Variants in PLA2G4A observed in about 807,000 individuals in gnomAD.
PLA2G4A encodes phospholipase A2 group IVA, also known as cytosolic phospholipase A2.
A neutral mutation model predicts 81.9 loss-of-function variants in PLA2G4A; 40 were observed. The observed-to-expected ratio is 0.49, with a 90% CI of 0.38 to 0.64. The LOEUF (loss-of-function observed/expected upper bound fraction) is 0.64. PLA2G4A is among the 30% of genes least tolerant of loss of function. The probability of loss-of-function intolerance (pLI) is 0.00; values close to 1 mark genes in which losing one functional copy is unlikely to be tolerated. For missense variants in PLA2G4A, 715 were observed against 905.1 expected, an observed-to-expected ratio of 0.79 and a Z score of 2.69; for synonymous variants, 302 against 296.9, an observed-to-expected ratio of 1.02 and a Z score of -0.18.
chr1:186,923,505 G>A (rs1655438262), intron 7 of PLA2G4A, among the ~76,000 whole-genome samples: 1 of 152,210 alleles, frequency 6.6e-6, no homozygotes, highest in African/African-American at 2.4e-5. Context: ...GAGATGGCTA[G>A]CCCTGAGGAG....
intron 15 of PLA2G4A, among the ~76,000 whole-genome samples, chr1:186,975,155 T>G (rs1253004446): frequency 6.6e-6 from 1 of 152,178 alleles, no homozygotes; most frequent in African/African-American, 2.4e-5. Context: ...TTGTGAACAG[T>G]GCTGGACAAG....
intron 5 of PLA2G4A, among the ~76,000 whole-genome samples, chr1:186,903,389 T>G (rs1654618014): frequency 6.6e-6 from 1 of 152,208 alleles, no homozygotes; most frequent in South Asian, 2.1e-4. Flanking sequence ...TTTGAAATTA[T>G]TTTGCTATAT....
At chr1:186,969,464 A>G (rs1397390628) in intron 15 of PLA2G4A, among the ~76,000 whole-genome samples, 1 of 151,872 alleles carries the variant, frequency 6.6e-6, no homozygotes, top group Non-Finnish European at 1.5e-5. Flanking sequence ...ATTGTTAACT[A>G]TAGTTACCCA....
intron 6 of PLA2G4A, among the ~76,000 whole-genome samples, chr1:186,907,447 G>C (rs991161067): frequency 7.2e-4 from 109 of 152,226 alleles, no homozygotes; most frequent in African/African-American, 2.5e-3. Context: ...GACCCAGCTG[G>C]ACTACTGCTA....
chr1:186,967,552 A>G (rs946225313), intron 15 of PLA2G4A, among the ~76,000 whole-genome samples: 1 of 150,954 alleles, frequency 6.6e-6, no homozygotes, highest in African/African-American at 2.4e-5. Flanking sequence ...TGGGGCAAAG[A>G]CTTTTATTCA....
chr1:186,836,299 A>G (rs1366954161), intron 1 of PLA2G4A, among the ~76,000 whole-genome samples: 1 of 150,958 alleles, frequency 6.6e-6, no homozygotes, highest in African/African-American at 2.4e-5. Context: ...ATATACCTTA[A>G]TAATAATATT....
chr1:186,965,081 T>C (rs1245986981), intron 14 of PLA2G4A, among the ~76,000 whole-genome samples: 5 of 152,244 alleles, frequency 3.3e-5, no homozygotes, highest in Non-Finnish European at 7.3e-5. Flanking sequence ...AAGACCTACG[T>C]AATGTAAGAT....
At chr1:186,888,763 G>T (rs553608334) in intron 3 of PLA2G4A, among the ~76,000 whole-genome samples, 29 of 152,160 alleles carry the variant, frequency 1.9e-4, no homozygotes, top group Non-Finnish European at 3.4e-4. Flanking sequence ...TTTGCCATTT[G>T]CATGCCTCCC....
At chr1:186,845,483 G>A (rs1652139121) in intron 1 of PLA2G4A, among the ~76,000 whole-genome samples, 1 of 152,138 alleles carries the variant, frequency 6.6e-6, no homozygotes, top group Non-Finnish European at 1.5e-5. Flanking sequence ...ATAGAGAAAG[G>A]AGGAGACAGG....
At chr1:186,919,316 G>T (rs1271403208) in intron 7 of PLA2G4A, among the ~76,000 whole-genome samples, 1 of 152,174 alleles carries the variant, frequency 6.6e-6, no homozygotes, top group Non-Finnish European at 1.5e-5. Context: ...GTAGGCTACA[G>T]ATGACCTGCT....
intron 15 of PLA2G4A, 31 bp from the exon 16 acceptor site, chr1:186,977,562 T>C: frequency 1.3e-6 from 2 of 1,518,614 alleles, no homozygotes; most frequent in East Asian, 4.5e-5. Context: ...AACTGAAAAT[T>C]TCCAAATTCA....
intron 5 of PLA2G4A, among the ~76,000 whole-genome samples, chr1:186,899,556 T>C (rs1654465298): frequency 6.6e-6 from 1 of 152,072 alleles, no homozygotes; most frequent in African/African-American, 2.4e-5. Flanking sequence ...ACAAGTTTGA[T>C]GGGAACAGAT....
intron 5 of PLA2G4A, among the ~76,000 whole-genome samples, chr1:186,902,572 C>T (rs1654584155): frequency 6.6e-6 from 1 of 152,074 alleles, no homozygotes; most frequent in South Asian, 2.1e-4. Flanking sequence ...ATTGCACGTA[C>T]ACATCCAGGT....
At chr1:186,942,680 TAACTA>T (rs1365392120) in intron 10 of PLA2G4A, among the ~76,000 whole-genome samples, 4 of 152,188 alleles carry the variant, frequency 2.6e-5, no homozygotes, top group Non-Finnish European at 4.4e-5. Flanking sequence ...CAAGAAAACT[TAACTA>T]AAATAATTAA....
chr1:186,918,863 G>T (rs1655242064), intron 7 of PLA2G4A, among the ~76,000 whole-genome samples: 1 of 152,208 alleles, frequency 6.6e-6, no homozygotes, highest in Non-Finnish European at 1.5e-5. Flanking sequence ...ACCACAGCAT[G>T]GGGGGCCTTT....
intron 7 of PLA2G4A, among the ~76,000 whole-genome samples, chr1:186,921,178 C>T (rs954370831): frequency 2.0e-5 from 3 of 152,050 alleles, no homozygotes; most frequent in Non-Finnish European, 4.4e-5. Context: ...GTTCAGGTCC[C>T]ATTGGGGGTC....
intron 1 of PLA2G4A, among the ~76,000 whole-genome samples, chr1:186,843,046 T>A (rs554134085): frequency 1.5e-4 from 23 of 152,336 alleles, no homozygotes; most frequent in African/African-American, 2.9e-4. Context: ...GGAACTTTTT[T>A]ATTCTTCTTG....
intron 3 of PLA2G4A, among the ~76,000 whole-genome samples, chr1:186,892,807 A>G (rs2102111313): frequency 6.6e-6 from 1 of 152,352 alleles, no homozygotes; most frequent in East Asian, 1.9e-4. Context: ...TCCCTCTCAC[A>G]GGACTATTAT....
intron 2 of PLA2G4A, among the ~76,000 whole-genome samples, chr1:186,866,729 G>T (rs1040111540): frequency 2.6e-5 from 4 of 152,068 alleles, no homozygotes; most frequent in African/African-American, 9.7e-5. Context: ...TGTAATATTA[G>T]AAGTTCTTAG....
Sources: gnomAD v4.1 joint callset for allele counts (sites outside exome capture counted in the v4.1 genomes callset) on GRCh38, gnomAD v4.1.1 for gene constraint, MANE v1.5 for transcripts, NCBI Gene and HGNC (gene_info 2026-07-23, HGNC 2026-07-21) for gene names.